XKR6: variants seen among roughly 807,000 people sequenced by gnomAD.
The protein encoded by XKR6 is XK related 6, also known as XK-related protein 6.
A neutral mutation model predicts 56.7 loss-of-function variants in XKR6; 22 were observed. That is an observed-to-expected ratio of 0.39 (90% CI 0.28 to 0.55). XKR6 has a LOEUF of 0.55. Among genes scored for constraint, XKR6 ranks in the 20% least tolerant of loss-of-function variants. The pLI, the probability that XKR6 is intolerant of heterozygous loss-of-function variation, is 0.66. For missense variants in XKR6, 852 were observed against 889.0 expected (o/e 0.96, Z 0.53); for synonymous variants, 524 against 387.8 (o/e 1.35, Z -4.13).
intron 1 of XKR6, among the ~76,000 whole-genome samples, chr8:11,139,682 T>G (rs958249330): frequency 3.6e-4 from 54 of 152,034 alleles, no homozygotes; most frequent in African/African-American, 1.1e-3. Flanking sequence ...AAAAGGCAGG[T>G]AAAACTGGGA....
At chr8:11,039,901 C>T (rs1387848323) in intron 1 of XKR6, among the ~76,000 whole-genome samples, 6 of 152,196 alleles carry the variant, frequency 3.9e-5, no homozygotes, top group African/African-American at 1.4e-4. Context: ...AGCCCGTTAG[C>T]GGAACAAGCT....
At chr8:10,904,095 C>T (rs1363295411) in intron 2 of XKR6, among the ~76,000 whole-genome samples, 1 of 152,182 alleles carries the variant, frequency 6.6e-6, no homozygotes, top group African/African-American at 2.4e-5. Context: ...CCATCACTGA[C>T]TGCATTCCGA....
At chr8:11,090,817 T>G (rs1358562969) in intron 1 of XKR6, among the ~76,000 whole-genome samples, 1 of 152,226 alleles carries the variant, frequency 6.6e-6, no homozygotes, top group African/African-American at 2.4e-5. Flanking sequence ...AATATCTGCC[T>G]ACCATCTGGG....
At chr8:10,945,805 C>T (rs143102652) in intron 1 of XKR6, among the ~76,000 whole-genome samples, 4 of 152,152 alleles carry the variant, frequency 2.6e-5, no homozygotes, top group Admixed American at 1.3e-4. Context: ...TCTGGCCTAG[C>T]GCCGCGTCTC....
chr8:11,026,994 G>T (rs1659377715), intron 1 of XKR6, among the ~76,000 whole-genome samples: 1 of 152,190 alleles, frequency 6.6e-6, no homozygotes, highest in African/African-American at 2.4e-5. Context: ...CACCTAGATG[G>T]TCTAGCCTAC....
intron 1 of XKR6, among the ~76,000 whole-genome samples, chr8:11,094,646 C>A (rs893567541): frequency 1.3e-5 from 2 of 152,106 alleles, no homozygotes; most frequent in Non-Finnish European, 2.9e-5. Flanking sequence ...GCTGGTGGGA[C>A]CGACATCGAT....
intron 1 of XKR6, among the ~76,000 whole-genome samples, chr8:11,052,040 C>T (rs1227047481): frequency 6.6e-6 from 1 of 152,186 alleles, no homozygotes; most frequent in African/African-American, 2.4e-5. Flanking sequence ...TAGTCTTATA[C>T]TTCAGCATAA....
At chr8:11,050,367 C>T (rs1467059867) in intron 1 of XKR6, among the ~76,000 whole-genome samples, 1 of 124,668 alleles carries the variant, frequency 8.0e-6, no homozygotes, top group African/African-American at 2.7e-5. Flanking sequence ...CCACGATCTC[C>T]TCATCAGTGT....
At chr8:10,966,811 C>T (rs1010312436) in intron 1 of XKR6, among the ~76,000 whole-genome samples, 9 of 152,188 alleles carry the variant, frequency 5.9e-5, no homozygotes, top group Admixed American at 2.6e-4. Flanking sequence ...GATCCTGGGG[C>T]GCACTGACGT....
At chr8:10,999,507 A>G (rs1485033700) in intron 1 of XKR6, among the ~76,000 whole-genome samples, 1 of 152,242 alleles carries the variant, frequency 6.6e-6, no homozygotes, top group African/African-American at 2.4e-5. Context: ...CTTTATCTTC[A>G]GAAGAAATTT....
chr8:11,154,767 A>G (rs1224751538), intron 1 of XKR6, among the ~76,000 whole-genome samples: 1 of 152,192 alleles, frequency 6.6e-6, no homozygotes, highest in Non-Finnish European at 1.5e-5. Context: ...CTCTGCCTAT[A>G]AACAGGGTCT....
At chr8:11,119,229 C>CTA (rs1799328463) in intron 1 of XKR6, among the ~76,000 whole-genome samples, 1 of 152,160 alleles carries the variant, frequency 6.6e-6, no homozygotes, top group Admixed American at 6.5e-5. Context: ...TTACTTCCAA[C>CTA]TATGTGGTCA....
At chr8:10,931,472 A>G (rs532892426) in intron 1 of XKR6, among the ~76,000 whole-genome samples, 1 of 152,324 alleles carries the variant, frequency 6.6e-6, no homozygotes, top group African/African-American at 2.4e-5. Context: ...CAATTCTAAA[A>G]GTGAATAAAT....
intron 1 of XKR6, among the ~76,000 whole-genome samples, chr8:11,068,490 A>G (rs1183725758): frequency 1.3e-5 from 2 of 152,114 alleles, no homozygotes; most frequent in African/African-American, 4.8e-5. Context: ...TTTCCCTGCC[A>G]TCTACTAAAA....
At chr8:11,167,720 T>C (rs1038887757) in intron 1 of XKR6, among the ~76,000 whole-genome samples, 1 of 152,080 alleles carries the variant, frequency 6.6e-6, no homozygotes, top group Non-Finnish European at 1.5e-5. Context: ...TCTGGCTCAC[T>C]ATTGAAGGAG....
intron 2 of XKR6, among the ~76,000 whole-genome samples, chr8:10,919,734 C>T (rs1030974809): frequency 1.3e-5 from 2 of 152,208 alleles, no homozygotes; most frequent in East Asian, 3.8e-4. Context: ...CTGCACTGGA[C>T]TGCTTTTCCA....
At chr8:11,152,335 C>T (rs73530517) in intron 1 of XKR6, among the ~76,000 whole-genome samples, 6,916 of 152,224 alleles carry the variant, frequency 0.045, 335 homozygotes, top group African/African-American at 0.12. Flanking sequence ...TTCCAGAAAA[C>T]ATCTGGGCAT....
At chr8:11,126,438 G>A (rs1167966003) in intron 1 of XKR6, among the ~76,000 whole-genome samples, 1 of 151,996 alleles carries the variant, frequency 6.6e-6, no homozygotes, top group African/African-American at 2.4e-5. Context: ...CTTGTTTTTG[G>A]CCTACTACTC....
chr8:10,925,762 T>C (rs1368309383), intron 1 of XKR6, among the ~76,000 whole-genome samples: 1 of 152,172 alleles, frequency 6.6e-6, no homozygotes, highest in African/African-American at 2.4e-5. Flanking sequence ...ATTAGTGAGA[T>C]GATATGCACA....
Sources: allele counts gnomAD v4.1 joint callset (sites outside exome capture counted in the v4.1 genomes callset), GRCh38; gene constraint gnomAD v4.1.1; transcripts MANE v1.5; gene names NCBI Gene and HGNC (gene_info 2026-07-23, HGNC 2026-07-21).